The following STARD8 variants were observed in gnomAD, a reference collection of about 807,000 sequenced individuals.
The protein encoded by STARD8 is stAR-related lipid transfer protein 8.
Under a neutral mutation model 69.4 loss-of-function variants are expected in STARD8, and 25 were observed. That is an observed-to-expected ratio of 0.36 (90% CI 0.26 to 0.50). STARD8 has a LOEUF of 0.50. STARD8 is among the 20% of genes least tolerant of loss of function. STARD8 has a pLI of 0.96. For missense variants in STARD8, 921 were observed against 932.5 expected (o/e 0.99, Z 0.16); for synonymous variants, 389 against 374.6 (o/e 1.04, Z -0.45).
rs73531949 is a variant in STARD8, at chrX:68,722,269, C to T, written c.2574+108C>T. On this transcript the variant is annotated intron_variant, in intron 11 of 14. Transcript: ENST00000374599. ...AGGACCCAATTTGACACATACCCCT[C>T]AAGCTTATACCCCCAACTCTTCCCC... 5,504 of 839,314 alleles carry T rather than the reference C, an allele frequency of 6.6e-3. 211 individuals are homozygous for T. The African/African-American group carries it at 0.098, about 15-fold the overall frequency. 69.2% of individuals were successfully genotyped at this position (839,314 alleles called of 1,213,427 possible).
chrX:68,695,168 T>C (rs2079910355), intron 2 of STARD8, among the ~76,000 whole-genome samples: 1 of 106,903 alleles, frequency 9.4e-6, no homozygotes, highest in African/African-American at 3.4e-5. Context: ...ACAAATCTTG[T>C]CTGCGGATGC....
intron 1 of STARD8, among the ~76,000 whole-genome samples, chrX:68,653,101 CCA>C (rs1569351071): frequency 1.2e-4 from 5 of 42,497 alleles, no homozygotes; most frequent in East Asian, 7.6e-4. Flanking sequence ...ACCACACACA[CCA>C]CACACACACA....
chrX:68,653,179 A>C (rs1318526674), intron 1 of STARD8, among the ~76,000 whole-genome samples: 4 of 44,076 alleles, frequency 9.1e-5, no homozygotes, highest in African/African-American at 1.8e-4. Flanking sequence ...CACACACACA[A>C]CACAGCACAC....
chrX:68,660,989 G>T (rs1026021424), intron 1 of STARD8, among the ~76,000 whole-genome samples: 1 of 111,980 alleles, frequency 8.9e-6, no homozygotes, highest in African/African-American at 3.2e-5. Context: ...TGTGAAGAAC[G>T]TGCTCTCATG....
At chrX:68,657,076 G>A (rs758345155) in intron 1 of STARD8, among the ~76,000 whole-genome samples, 3 of 111,834 alleles carry the variant, frequency 2.7e-5, no homozygotes, top group African/African-American at 9.7e-5. Flanking sequence ...GTAGATAATA[G>A]TACCCAACTT....
Position 68,722,656 on chromosome X carries a change from A to G in STARD8, c.2799+10A>G, listed in dbSNP as rs765112795. ...GCTGGCTTGCAGGAAGGTGAGTGCC[A>G]CACCACGGGTGGCTGCTATGGGGCT... On this transcript the variant is annotated intron_variant, in intron 12 of 14. Coordinates refer to ENST00000374599, the MANE Select transcript of STARD8 (RefSeq NM_001142503.3). 8.3e-7 allele frequency: 1 copy of G among 1,206,241 alleles called. No homozygotes were observed. Among genetic ancestry groups the G allele is most frequent in the African/African-American group, 1.7e-5 (1 of 57,354 alleles).
intron 1 of STARD8, among the ~76,000 whole-genome samples, chrX:68,652,726 C>T (rs1236083483): frequency 4.3e-5 from 4 of 93,106 alleles, no homozygotes; most frequent in African/African-American, 1.6e-4. Context: ...TCACACCATA[C>T]ACACACCACA....
chrX:68,721,123 G>A lies in STARD8; in HGVS notation c.2248+1G>A, dbSNP rs200040330. 4.1e-6 allele frequency: 5 copies of A among 1,210,859 alleles called. No homozygotes were observed. Among genetic ancestry groups the A allele is most frequent in the African/African-American group, 1.7e-5 (1 of 57,732 alleles). ...ACCACTTTCCTCCAGATCTACCAGCGTGAGTCGCCCACTCCTATCCCCAAC... is the reference window on the plus strand; with the variant it reads ...ACCACTTTCCTCCAGATCTACCAGCATGAGTCGCCCACTCCTATCCCCAAC... On this transcript the variant is annotated splice_donor_variant, in intron 9 of 14. Transcript: ENST00000374599. LOFTEE classifies it high-confidence loss of function.
At position 68,718,649 on chromosome X, in the gene STARD8, T is replaced by G; in HGVS notation, c.1715+20T>G. 8.6e-7 allele frequency: 1 copy of G among 1,168,171 alleles called. No homozygotes were observed. Among genetic ancestry groups the G allele is most frequent in the Non-Finnish European group, 1.1e-6 (1 of 873,381 alleles). ...CTGCAGGTGAGAGTTTGGGTTGGGA[T>G]GGGGCGGACGCAGGGTCTCCTGTTC... On this transcript the variant is annotated intron_variant, in intron 6 of 14. Transcript: ENST00000374599.
At chrX:68,652,898 C>G (rs1602533870) in intron 1 of STARD8, among the ~76,000 whole-genome samples, 1 of 11,311 alleles carries the variant, frequency 8.8e-5, no homozygotes, top group Admixed American at 1.3e-3. Context: ...ACACACCACA[C>G]CACACACACC....
chrX:68,713,635 C>T (rs1484734448), intron 3 of STARD8, among the ~76,000 whole-genome samples: 2 of 111,708 alleles, frequency 1.8e-5, no homozygotes, highest in Admixed American at 9.5e-5. Context: ...CTGGCTGCCT[C>T]TCTGGCTGGG....
intron 4 of STARD8, 21 bp from the exon 5 acceptor site, chrX:68,716,347 G>A (rs1358259600): frequency 1.7e-6 from 2 of 1,205,475 alleles, no homozygotes; most frequent in Non-Finnish European, 2.2e-6. Context: ...CCCTTGGTTG[G>A]ACACTTCCAT....
At chrX:68,719,664 G>T (rs750264442) in intron 7 of STARD8, among the ~76,000 whole-genome samples, 5 of 112,325 alleles carry the variant, frequency 4.5e-5, no homozygotes, top group African/African-American at 1.6e-4. Context: ...TCACTCTCCA[G>T]ATAAACACTT....
Position 68,720,268 on chromosome X carries a change from A to G in STARD8, c.1894A>G (p.Met632Val). 8.4e-7 allele frequency: 1 copy of G among 1,196,490 alleles called. No homozygotes were observed. ...VPHKQGWVWSMPKFMRRNKTP... is the reference protein window; with the variant it reads ...VPHKQGWVWSVPKFMRRNKTP... ...ACTTGTCATTCTCCCAAACAGGTCA[A>G]TGCCCAAGTTCATGAGGAGGAACAA... The change falls in exon 8 of 15, where the codon ATG (methionine) becomes GTG (valine). Residue 632 changes from methionine (M) to valine (V), a missense_variant. Transcript: ENST00000374599.
At chrX:68,720,068 C>CT (rs2080133350) in intron 7 of STARD8, among the ~76,000 whole-genome samples, 196 bp from the exon 8 acceptor site, 1 of 112,464 alleles carries the variant, frequency 8.9e-6, no homozygotes, top group African/African-American at 3.2e-5. Context: ...CAGTTATCTC[C>CT]TTGGCCAGAC....
At chrX:68,670,122 T>A in intron 2 of STARD8, among the ~76,000 whole-genome samples, 1 of 112,248 alleles carries the variant, frequency 8.9e-6, no homozygotes, top group East Asian at 2.8e-4. Flanking sequence ...AGACAGGAAA[T>A]CTTTTAACCA....
chrX:68,708,859 C>T (rs1225617286), intron 2 of STARD8, among the ~76,000 whole-genome samples: 1 of 111,975 alleles, frequency 8.9e-6, no homozygotes, highest in African/African-American at 3.2e-5. Context: ...TCACTCACCT[C>T]AGCCTGCCCG....
chrX:68,692,764 C>G (rs1602578761), intron 2 of STARD8, among the ~76,000 whole-genome samples: 1 of 112,588 alleles, frequency 8.9e-6, no homozygotes, highest in African/African-American at 3.2e-5. Context: ...GAAGTTGAGG[C>G]AGGAGATTTT....
intron 5 of STARD8, 135 bp downstream of exon 5, chrX:68,716,566 A>G (rs996322006): frequency 6.9e-6 from 4 of 582,256 alleles, no homozygotes; most frequent in East Asian, 3.7e-5. Flanking sequence ...TTCCCCAGCT[A>G]GGGGTAGAGA....
Sources: allele counts gnomAD v4.1 joint callset (sites outside exome capture counted in the v4.1 genomes callset), GRCh38; gene constraint gnomAD v4.1.1; transcripts MANE v1.5; gene names NCBI Gene and HGNC (gene_info 2026-07-23, HGNC 2026-07-21).